SMARCA1: variants seen among roughly 807,000 people sequenced by gnomAD.
The protein encoded by SMARCA1 is SWI/SNF-related matrix-associated actin-dependent regulator of chromatin subfamily A member 1.
A neutral mutation model predicts 93.6 loss-of-function variants in SMARCA1; 17 were observed. The observed-to-expected ratio is 0.18, with a 90% CI of 0.12 to 0.27. The LOEUF is 0.27. SMARCA1 is among the 10% of genes least tolerant of loss of function. The pLI is 1.00. For synonymous variants in SMARCA1, 271 were observed against 271.4 expected (o/e 1.00, Z 0.01); for missense variants, 630 against 819.0 (o/e 0.77, Z 2.82).
intron 12 of SMARCA1, among the ~76,000 whole-genome samples, chrX:129,495,742 T>C (rs1934295965): frequency 9.2e-6 from 1 of 109,106 alleles, no homozygotes; most frequent in South Asian, 4.1e-4. Context: ...TACATTGTTT[T>C]GATTGACGTC....
At chrX:129,513,102 A>G (rs1029027322) in intron 5 of SMARCA1, among the ~76,000 whole-genome samples, 1 of 112,512 alleles carries the variant, frequency 8.9e-6, no homozygotes, top group Non-Finnish European at 1.9e-5. Flanking sequence ...AAAAAGACTA[A>G]AATGAAATAT....
intron 17 of SMARCA1, among the ~76,000 whole-genome samples, chrX:129,481,521 G>T (rs961170235): frequency 1.8e-5 from 2 of 111,899 alleles, no homozygotes; most frequent in Non-Finnish European, 3.8e-5. Context: ...ATTGACTGTG[G>T]TAACTGTAAT....
chrX:129,523,329 G>A lies in SMARCA1; in HGVS notation c.42C>T (p.Ala14=), dbSNP rs760595756. 15 of 1,199,234 alleles carry A rather than the reference G, an allele frequency of 1.3e-5. No homozygotes were observed. In the South Asian group the frequency reaches 2.2e-4, roughly 17 times the overall value. The change falls in exon 1 of 25, where the codon GCC becomes GCT. Residue 14 remains alanine (A), a synonymous_variant. Transcript: ENST00000371121. The part of the protein sequence containing the change: ...DTAAVAATVA[A]ADATATIVVI... ...CCACGATAGTGGCGGTCGCATCCGC[G>A]GCTGCCACGGTGGCTGCCACTGCGG...
chrX:129,501,017 CT>C, intron 9 of SMARCA1, among the ~76,000 whole-genome samples: 1 of 112,226 alleles, frequency 8.9e-6, no homozygotes, highest in East Asian at 2.8e-4. Flanking sequence ...TATAGAGTAC[CT>C]ACCTACAATG....
intron 19 of SMARCA1, among the ~76,000 whole-genome samples, chrX:129,476,006 T>G (rs1397674882): frequency 8.9e-6 from 1 of 112,562 alleles, no homozygotes; most frequent in African/African-American, 3.2e-5. Context: ...TGTTAGAATG[T>G]TCTATAGCTT....
intron 19 of SMARCA1, among the ~76,000 whole-genome samples, chrX:129,475,278 G>A (rs1933325203): frequency 9.1e-6 from 1 of 110,270 alleles, no homozygotes; most frequent in Non-Finnish European, 1.9e-5. Context: ...CAGCACTTTG[G>A]GAGGTCAAGG....
chrX:129,504,549 T>TAAAAAAAAAAAAAAAAAACA (rs1934707085), intron 9 of SMARCA1, among the ~76,000 whole-genome samples, 185 bp downstream of exon 9: 1 of 24,214 alleles, frequency 4.1e-5, no homozygotes, highest in African/African-American at 1.4e-4. Flanking sequence ...CATAGAGGAA[T>TAAAAAAAAAAAAAAAAAACA]AAAAAAAAAA....
chrX:129,483,662 A>G (rs949492006), intron 17 of SMARCA1, among the ~76,000 whole-genome samples: 4 of 112,068 alleles, frequency 3.6e-5, no homozygotes, highest in African/African-American at 1.3e-4. Context: ...CAAATTTGAA[A>G]CAAACATTGA....
intron 23 of SMARCA1, among the ~76,000 whole-genome samples, chrX:129,451,795 C>T (rs1225317102): frequency 9.2e-6 from 1 of 108,174 alleles, no homozygotes; most frequent in African/African-American, 3.4e-5. Context: ...GCTCCATCTC[C>T]CGGGTTCACA....
At chrX:129,460,927 A>AT (rs1225518739) in intron 23 of SMARCA1, among the ~76,000 whole-genome samples, 1 of 112,057 alleles carries the variant, frequency 8.9e-6, no homozygotes, top group South Asian at 3.6e-4. Flanking sequence ...TCTAAAAAGT[A>AT]TTTTTTTCCT....
At chrX:129,484,478 T>G (rs945355606) in intron 17 of SMARCA1, among the ~76,000 whole-genome samples, 101 of 111,560 alleles carry the variant, frequency 9.1e-4, no homozygotes, top group African/African-American at 3.0e-3. Flanking sequence ...CAAAGCATTA[T>G]CAGCATACTA....
intron 1 of SMARCA1, among the ~76,000 whole-genome samples, chrX:129,519,956 C>G (rs1935328789): frequency 1.8e-5 from 2 of 110,847 alleles, no homozygotes; most frequent in Non-Finnish European, 3.8e-5. Context: ...AAGCTTTAAT[C>G]CTAGAAAAAC....
intron 23 of SMARCA1, among the ~76,000 whole-genome samples, chrX:129,456,450 A>G (rs1179187243): frequency 8.9e-6 from 1 of 112,334 alleles, no homozygotes; most frequent in African/African-American, 3.2e-5. Flanking sequence ...CTTTCAAGTC[A>G]TATTATTTAA....
chrX:129,451,067 A>G (rs1408705733), intron 23 of SMARCA1, among the ~76,000 whole-genome samples: 1 of 111,894 alleles, frequency 8.9e-6, no homozygotes, highest in Non-Finnish European at 1.9e-5. Context: ...TATTAAAAAT[A>G]CTCTAATGTA....
intron 6 of SMARCA1, among the ~76,000 whole-genome samples, chrX:129,508,304 T>C (rs1343185937): frequency 8.9e-6 from 1 of 111,807 alleles, no homozygotes; most frequent in Non-Finnish European, 1.9e-5. Flanking sequence ...ATATATTCAT[T>C]AACAGAAGAG....
chrX:129,486,281 C>A (rs1175555746), intron 17 of SMARCA1, among the ~76,000 whole-genome samples: 3 of 109,954 alleles, frequency 2.7e-5, no homozygotes, highest in African/African-American at 9.9e-5. Flanking sequence ...GTGTTAATTT[C>A]CTGGTTGTGA....
chrX:129,503,977 AAAAAG>A (rs1253449072), intron 9 of SMARCA1, among the ~76,000 whole-genome samples: 2 of 107,449 alleles, frequency 1.9e-5, no homozygotes, highest in East Asian at 5.9e-4. Flanking sequence ...AAAAAAAAAA[AAAAAG>A]AAAAGAAAAG....
At position 129,498,078 on chromosome X, in the gene SMARCA1, A is replaced by G; in HGVS notation, c.1278-7T>C. On this transcript the variant is annotated splice_region_variant and splice_polypyrimidine_tract_variant and intron_variant, in intron 10 of 24. Coordinates refer to ENST00000371121, the MANE Select transcript of SMARCA1 (RefSeq NM_001282874.2). ...CATCAGGATTTTTGTATACCTAAAA[A>G]TTTAAACTATAATTAATCATCAATT... is the stretch of plus-strand genomic sequence containing the variant. The G allele has an allele frequency of 9.9e-7, 1 of 1,010,183 alleles. No homozygotes were observed. The highest frequency in any genetic ancestry group is 1.4e-6 in the Non-Finnish European group (1 of 712,841). The allele number at this position is 1,010,183 out of a possible 1,213,427, so 83.3% of individuals were successfully genotyped here. A position where few individuals can be genotyped will look rare whatever the true frequency, so the allele number is the denominator to read the frequency against.
chrX:129,481,246 C>T (rs988045085), intron 17 of SMARCA1, 61 bp from the exon 18 acceptor site: 29 of 705,402 alleles, frequency 4.1e-5, no homozygotes, highest in Admixed American at 7.8e-5. Flanking sequence ...TTATCAAAAT[C>T]AAGTACATCG....
Sources: allele counts gnomAD v4.1 joint callset (sites outside exome capture counted in the v4.1 genomes callset), GRCh38; gene constraint gnomAD v4.1.1; transcripts MANE v1.5; gene names NCBI Gene and HGNC (gene_info 2026-07-23, HGNC 2026-07-21).